Variants in H6PD observed in about 807,000 individuals in gnomAD.
H6PD encodes hexose-6-phosphate dehydrogenase/glucose 1-dehydrogenase, also known as GDH/6PGL endoplasmic bifunctional protein.
A neutral mutation model predicts 61.2 loss-of-function variants in H6PD; 48 were observed. The observed-to-expected ratio is 0.78, with a 90% CI of 0.62 to 1.00. H6PD has a LOEUF of 1.00. H6PD is among the 50% of genes least tolerant of loss of function. The pLI is 0.00. For missense variants in H6PD, 1,093 were observed against 1,065.0 expected (o/e 1.03, Z -0.37); for synonymous variants, 480 against 457.9 (o/e 1.05, Z -0.62).
chr1:9,262,932 A>G (rs1638376866), intron 4 of H6PD, among the ~76,000 whole-genome samples: 1 of 152,186 alleles, frequency 6.6e-6, no homozygotes. Context: ...GGCTCGGTGA[A>G]GTCGTCAGAA....
At chr1:9,239,085 C>T (rs1395840763) in intron 1 of H6PD, among the ~76,000 whole-genome samples, 1 of 151,472 alleles carries the variant, frequency 6.6e-6, no homozygotes, top group Admixed American at 6.6e-5. Context: ...CTCACTCTGT[C>T]ACCCAGGCTG....
rs74053626 is a variant in H6PD, at chr1:9,254,849, C to T, written c.746-7210C>T. Among the ~76,000 whole-genome samples the T allele has an allele frequency of 3.9e-4, 60 of 152,254 alleles. No individual in the cohort carries two copies. The highest frequency in any genetic ancestry group is 1.4e-3 in the African/African-American group (58 of 41,544). On this transcript the variant is annotated intron_variant, in intron 3 of 4. Coordinates refer to ENST00000377403, the MANE Select transcript of H6PD (RefSeq NM_004285.4). This position sits in a 1 kb window ranked among gnomAD's most constrained non-coding sequence, Gnocchi z 4.6. Reference sequence around the variant, plus strand: ...CGGCAAAGGAAGCCCTGTACCCCTTCGTTGTCATCCCACAATTTCCCCCTC... The same window carrying T: ...CGGCAAAGGAAGCCCTGTACCCCTTTGTTGTCATCCCACAATTTCCCCCTC...
chr1:9,261,367 C>T (rs1243087322), intron 3 of H6PD, among the ~76,000 whole-genome samples: 1 of 152,172 alleles, frequency 6.6e-6, no homozygotes, highest in Non-Finnish European at 1.5e-5. Flanking sequence ...GGCTTTGGCA[C>T]CTGAGGGTCC....
intron 3 of H6PD, among the ~76,000 whole-genome samples, chr1:9,248,913 G>A (rs567126320): frequency 2.0e-5 from 3 of 152,166 alleles, no homozygotes; most frequent in Non-Finnish European, 4.4e-5. Context: ...GTTGCCCCCC[G>A]TGCCTGTCTG....
At position 9,268,439 on chromosome 1, in the gene H6PD, A is replaced by G. The variant is rs986225513; in HGVS notation, c.*3570A>G. ...GGTGGGGACCAATGATTCCATCCGC[A>G]TGGAAGCCCACGTGTGCACTTAGGG... On this transcript the variant is annotated 3_prime_UTR_variant, in exon 5 of 5. Coordinates refer to ENST00000377403, the MANE Select transcript of H6PD (RefSeq NM_004285.4). 6.6e-6 allele frequency: 1 copy of G among 152,168 alleles called. No individual in the cohort carries two copies. The highest frequency in any genetic ancestry group is 2.1e-4 in the South Asian group (1 of 4,836). 9.4% of individuals were successfully genotyped at this position (152,168 alleles called of 1,614,324 possible). A position where few individuals can be genotyped will look rare whatever the true frequency, so the allele number is the denominator to read the frequency against.
At chr1:9,263,263 C>T (rs1638397651) in intron 4 of H6PD, among the ~76,000 whole-genome samples, 1 of 152,142 alleles carries the variant, frequency 6.6e-6, no homozygotes, top group East Asian at 1.9e-4. Context: ...GGGACCATAA[C>T]TCTAAGAGGG....
In H6PD at chr1:9,264,020, T is replaced by C. The variant is rs1638447826; in HGVS notation, c.1527T>C (p.Arg509=). 1 of 1,614,008 alleles carries C rather than the reference T, an allele frequency of 6.2e-7. No individual in the cohort carries two copies. The highest frequency in any genetic ancestry group is 8.5e-7 in the Non-Finnish European group (1 of 1,180,030). ...ACCCTGGAGGAGCTGAGAATGGCCG[T>C]CTGTTGGACTTTGAGTTCAGTAGCG... ...RLYPGGAENG[R]LLDFEFSSGR... Residue 509 remains arginine (R), a synonymous_variant, in exon 5 of 5, where the codon CGT becomes CGC. Transcript: ENST00000377403.
chr1:9,241,902 A>G (rs1475651182), intron 1 of H6PD, among the ~76,000 whole-genome samples: 1 of 152,116 alleles, frequency 6.6e-6, no homozygotes, highest in African/African-American at 2.4e-5. Flanking sequence ...CCTCCTCCAC[A>G]AGACTGTTGT....
chr1:9,259,224 G>A lies in H6PD; in HGVS notation c.746-2835G>A, dbSNP rs555419368. Among the ~76,000 whole-genome samples, 12 of 152,296 alleles carry A rather than the reference G, an allele frequency of 7.9e-5. No homozygotes were observed. The South Asian group carries it at 8.3e-4, about 11-fold the overall frequency. On this transcript the variant is annotated intron_variant, in intron 3 of 4. Transcript: ENST00000377403. Reference sequence around the variant, plus strand: ...AGGATGGTCTCGATCTCCTGACCTCGTGATCCGCCTGCCTTGGCCTCCCAA... The same window carrying A: ...AGGATGGTCTCGATCTCCTGACCTCATGATCCGCCTGCCTTGGCCTCCCAA...
intron 3 of H6PD, among the ~76,000 whole-genome samples, chr1:9,250,761 G>A (rs938740844): frequency 2.0e-5 from 3 of 152,206 alleles, no homozygotes; most frequent in African/African-American, 7.2e-5. Flanking sequence ...GCTGCTGCAG[G>A]CCCCGGGAAA....
chr1:9,262,664 CT>C (rs1638362135), intron 4 of H6PD, among the ~76,000 whole-genome samples: 1 of 152,198 alleles, frequency 6.6e-6, no homozygotes, highest in Non-Finnish European at 1.5e-5. Flanking sequence ...GGCCGCAAGC[CT>C]TTTGCCTGGC....
At chr1:9,262,355 A>G (rs369856333) in intron 4 of H6PD, 27 bp downstream of exon 4, 10 of 1,582,848 alleles carry the variant, frequency 6.3e-6, no homozygotes, top group Non-Finnish European at 6.0e-6. Flanking sequence ...GGCATGGGGC[A>G]CTGGGCTGCC....
In H6PD at chr1:9,263,679, C is replaced by T. The variant is rs780493906; in HGVS notation, c.1186C>T (p.Arg396Trp). The change falls in exon 5 of 5, where the codon CGG (arginine) becomes TGG (tryptophan). Residue 396 changes from arginine to tryptophan, a missense_variant. Physicochemically the swap from Arg to Trp is moderately radical, Grantham distance 101. Coordinates refer to ENST00000377403, the MANE Select transcript of H6PD (RefSeq NM_004285.4). ...WAAAQSQCLPRQLVFHIGHGD... is the reference protein window; with the variant it reads ...WAAAQSQCLPWQLVFHIGHGD... ...CGCGGCGCAGAGCCAGTGCCTGCCC[C>T]GGCAGCTCGTCTTCCACATCGGCCA... 15 of 1,613,934 alleles carry T rather than the reference C, an allele frequency of 9.3e-6. No individual in the cohort carries two copies. Among genetic ancestry groups the T allele is most frequent in the African/African-American group, 4.0e-5 (3 of 74,950 alleles).
chr1:9,237,236 C>CTTTTTTTTTT lies in H6PD; in HGVS notation c.-11+2187_-11+2196dup, dbSNP rs370751354. On this transcript the variant is annotated intron_variant, in intron 1 of 4. Transcript: ENST00000377403. ...ACCTTTGGTAAGTTATTTGACTTCT[C>CTTTTTTTTTT]TTTTTTTTTTTTTTTTTTTTTTTTT... is the stretch of plus-strand genomic sequence containing the variant. 3.3e-3 allele frequency among the ~76,000 whole-genome samples: 232 copies of CTTTTTTTTTT among 71,044 alleles called. 44 individuals are homozygous for CTTTTTTTTTT. The highest frequency in any genetic ancestry group is 9.3e-3 in the African/African-American group (186 of 20,090). 46.6% of individuals were successfully genotyped at this position (71,044 alleles called of 152,430 possible). A position where few individuals can be genotyped will look rare whatever the true frequency, so the allele number is the denominator to read the frequency against.
Position 9,269,265 on chromosome 1 carries a change from G to A in H6PD, c.*4396G>A, listed in dbSNP as rs1228782308. ...TGGCCGTCCGCTGGCTGAACTGAAC[G>A]CATTCCCTCTCTCCGCAACTCTCCC... is the stretch of plus-strand genomic sequence containing the variant. On this transcript the variant is annotated 3_prime_UTR_variant, in exon 5 of 5. Coordinates refer to ENST00000377403, the MANE Select transcript of H6PD (RefSeq NM_004285.4). The surrounding 1 kb of genome is among the most constrained non-coding windows in gnomAD (Gnocchi z 4.3). 2.0e-5 allele frequency: 3 copies of A among 152,382 alleles called. No homozygotes were observed. The highest frequency in any genetic ancestry group is 4.4e-5 in the Non-Finnish European group (3 of 68,162). The allele number at this position is 152,382 out of a possible 1,614,324, so 9.4% of individuals were successfully genotyped here. A position where few individuals can be genotyped will look rare whatever the true frequency, so the allele number is the denominator to read the frequency against.
In H6PD at chr1:9,245,266, T is replaced by C. The variant is rs571445484; in HGVS notation, c.332T>C (p.Leu111Pro). ...CTGCAGCTGAGCCAGTACCGCCAAC[T>C]GAAGACGGCCGAGGACTATCAGGCC... Reference protein sequence around the residue: ...QFLQLSQYRQLKTAEDYQALN... With the variant: ...QFLQLSQYRQPKTAEDYQALN... Residue 111 changes from leucine to proline, a missense_variant, in exon 2 of 5, where the codon CTG (leucine) becomes CCG (proline). Physicochemically the swap from Leu to Pro is moderately conservative, Grantham distance 98 (BLOSUM62 -3). Coordinates refer to ENST00000377403, the MANE Select transcript of H6PD (RefSeq NM_004285.4). This position sits in a 1 kb window ranked among gnomAD's most constrained non-coding sequence, Gnocchi z 4.8. 1.3e-5 allele frequency: 21 copies of C among 1,614,054 alleles called. No homozygotes were observed. The highest frequency in any genetic ancestry group is 1.8e-5 in the Non-Finnish European group (21 of 1,180,038).
chr1:9,255,436 C>T (rs1355373765), intron 3 of H6PD, among the ~76,000 whole-genome samples: 6 of 151,962 alleles, frequency 3.9e-5, no homozygotes, highest in Non-Finnish European at 8.8e-5. Flanking sequence ...TGTATTTCAC[C>T]ATGCCCAGCT....
At chr1:9,260,488 C>T (rs190688757) in intron 3 of H6PD, among the ~76,000 whole-genome samples, 15 of 151,868 alleles carry the variant, frequency 9.9e-5, no homozygotes, top group East Asian at 1.9e-4. Flanking sequence ...GTTGCTGTTA[C>T]GCCAGTGTTG....
chr1:9,264,783 G>T lies in H6PD; in HGVS notation c.2290G>T (p.Glu764Ter). 6.2e-7 allele frequency: 1 copy of T among 1,613,074 alleles called. No homozygotes were observed. The highest frequency in any genetic ancestry group is 8.5e-7 in the Non-Finnish European group (1 of 1,179,996). The change falls in exon 5 of 5, where the codon GAG (glutamate) becomes TAG (stop). Residue 764 changes from glutamate to a stop codon, truncating the protein, a stop_gained. Coordinates refer to ENST00000377403, the MANE Select transcript of H6PD (RefSeq NM_004285.4). LOFTEE classifies it high-confidence loss of function. ...ITTLVSRVGH[E>*]PKKWPISGVL... ...CACGCTGGTGAGCCGGGTGGGCCAT[G>T]AGCCCAAGAAGTGGCCCATCTCGGG...
Sources: allele counts gnomAD v4.1 joint callset (sites outside exome capture counted in the v4.1 genomes callset), GRCh38; gene constraint gnomAD v4.1.1; non-coding constraint Gnocchi (gnomAD v3.1); transcripts MANE v1.5; gene names NCBI Gene and HGNC (gene_info 2026-07-23, HGNC 2026-07-21).